Variants in ECE1 observed in about 807,000 individuals in gnomAD.
ECE1 encodes endothelin-converting enzyme 1.
In ECE1, 35 loss-of-function variants were observed where a neutral mutation model predicts 98.6. That is an observed-to-expected ratio of 0.35 (90% CI 0.27 to 0.47). ECE1 has a LOEUF of 0.47. Among genes scored for constraint, ECE1 ranks in the 20% least tolerant of loss-of-function variants. The probability of loss-of-function intolerance (pLI) is 1.00; values close to 1 mark genes in which losing one functional copy is unlikely to be tolerated. For synonymous variants in ECE1, 394 were observed against 407.1 expected (o/e 0.97, Z 0.39); for missense variants, 814 against 1,025.3 (o/e 0.79, Z 2.81).
chr1:21,318,740 TAACCCGACCTGACAGTCACTTC>T (rs1638893574), intron 1 of ECE1, among the ~76,000 whole-genome samples: 1 of 152,010 alleles, frequency 6.6e-6, no homozygotes, highest in African/African-American at 2.4e-5. Context: ...TCCAAGGAGC[TAACCCGACCTGACAGTCACTTC>T]AGCCTGGCCA....
At position 21,319,260 on chromosome 1, in the gene ECE1, G is replaced by A. The variant is rs1386223445; in HGVS notation, c.3+26116C>T. Among the ~76,000 whole-genome samples the A allele has an allele frequency of 2.0e-5, 3 of 152,162 alleles. No individual in the cohort carries two copies. The highest frequency in any genetic ancestry group is 6.5e-5 in the Admixed American group (1 of 15,278). ...CTTGGGAGGCTGAGGTGGGACAATC[G>A]CTTGAACCCGGGAAGTGGAGGTTGC... On this transcript the variant is annotated intron_variant, in intron 1 of 18. Coordinates refer to the ECE1 transcript ENST00000415912. This position sits in a 1 kb window ranked among gnomAD's most constrained non-coding sequence, Gnocchi z 4.4.
At position 21,242,036 on chromosome 1, in the gene ECE1, G is replaced by C. The variant is rs958867801; in HGVS notation, c.1278+2953C>G. ...GCAAGGGGTTCCTTCCTCCCTGCTG[G>C]AAGTCTCAAGTCACAAATGGGTGAT... is the stretch of plus-strand genomic sequence containing the variant. On this transcript the variant is annotated intron_variant, in intron 10 of 18. Coordinates refer to ENST00000374893, the MANE Select transcript of ECE1 (RefSeq NM_001397.3). Among the ~76,000 whole-genome samples the C allele has an allele frequency of 5.3e-5, 8 of 152,132 alleles. No homozygotes were observed. In the South Asian group the frequency reaches 1.7e-3, roughly 32 times the overall value.
chr1:21,285,691 A>G (rs1357029854), intron 2 of ECE1, among the ~76,000 whole-genome samples: 1 of 136,786 alleles, frequency 7.3e-6, no homozygotes, highest in African/African-American at 3.1e-5. Context: ...CCCTGCCTCA[A>G]AAAAAAAAAA....
chr1:21,314,421 G>A (rs1012441856), intron 1 of ECE1, among the ~76,000 whole-genome samples: 3 of 152,190 alleles, frequency 2.0e-5, no homozygotes, highest in East Asian at 1.9e-4. Context: ...TCCCATTCGG[G>A]AGCCAATCTG....
At chr1:21,332,486 G>C (rs1639217879) in intron 1 of ECE1, among the ~76,000 whole-genome samples, 1 of 146,116 alleles carries the variant, frequency 6.8e-6, no homozygotes, top group African/African-American at 2.5e-5. Context: ...TAGAGGCTAA[G>C]AATTAAGTAC....
At chr1:21,277,608 A>G (rs140353183) in intron 3 of ECE1, among the ~76,000 whole-genome samples, 1 of 152,292 alleles carries the variant, frequency 6.6e-6, no homozygotes, top group East Asian at 1.9e-4. Context: ...ATCACACAAT[A>G]TACATACACT....
At position 21,233,482 on chromosome 1, in the gene ECE1, T is replaced by C. The variant is rs888807766; in HGVS notation, c.1670+76A>G. 24 of 1,372,118 alleles carry C rather than the reference T, an allele frequency of 1.7e-5. No individual in the cohort carries two copies. Among genetic ancestry groups the C allele is most frequent in the African/African-American group, 4.3e-5 (3 of 69,364 alleles). The allele number at this position is 1,372,118 out of a possible 1,614,324, so 85.0% of individuals were successfully genotyped here. On this transcript the variant is annotated intron_variant, in intron 14 of 18. Transcript: ENST00000374893. The surrounding 1 kb of genome is among the most constrained non-coding windows in gnomAD (Gnocchi z 4.0). ...GATCGGGTGCACAGTGAGGGTGCAATGAAGGCCAGTTCGTCCCAAGGCTTG... is the reference window on the plus strand; with the variant it reads ...GATCGGGTGCACAGTGAGGGTGCAACGAAGGCCAGTTCGTCCCAAGGCTTG...
At chr1:21,237,905 G>A (rs2098190403) in intron 11 of ECE1, among the ~76,000 whole-genome samples, 1 of 152,246 alleles carries the variant, frequency 6.6e-6, no homozygotes, top group African/African-American at 2.4e-5. Flanking sequence ...CTGCTGGGAG[G>A]ATCACATGAG....
intron 10 of ECE1, among the ~76,000 whole-genome samples, chr1:21,239,558 A>G (rs1212205850): frequency 1.3e-5 from 2 of 152,226 alleles, no homozygotes; most frequent in African/African-American, 2.4e-5. Context: ...GGAATGAACT[A>G]GCTACTGATA....
intron 1 of ECE1, among the ~76,000 whole-genome samples, chr1:21,297,155 C>G (rs1638377736): frequency 6.6e-6 from 1 of 152,234 alleles, no homozygotes; most frequent in Admixed American, 6.5e-5. Context: ...TCCACACACA[C>G]AGCGCTGGGA....
intron 17 of ECE1, among the ~76,000 whole-genome samples, chr1:21,224,459 T>C (rs2098171211): frequency 1.3e-5 from 2 of 152,302 alleles, no homozygotes; most frequent in South Asian, 2.1e-4. Context: ...TCGTGGACTT[T>C]AAGCAACCTA....
intron 1 of ECE1, among the ~76,000 whole-genome samples, chr1:21,324,810 C>T (rs1460152715): frequency 2.0e-5 from 3 of 152,180 alleles, no homozygotes; most frequent in Non-Finnish European, 4.4e-5. Context: ...CTCTCCTTCC[C>T]CAACCGAGTG....
chr1:21,262,549 G>A (rs977670544), intron 4 of ECE1, among the ~76,000 whole-genome samples: 4 of 152,236 alleles, frequency 2.6e-5, no homozygotes, highest in African/African-American at 9.6e-5. Flanking sequence ...GCCAGGGCCA[G>A]CGCTGGGGAA....
Position 21,233,176 on chromosome 1 carries a change from A to G in ECE1, c.1670+382T>C, listed in dbSNP as rs1289508590. 1 of 211,584 alleles carries G rather than the reference A, an allele frequency of 4.7e-6. No homozygotes were observed. Among genetic ancestry groups the G allele is most frequent in the African/African-American group, 2.3e-5 (1 of 43,348 alleles). 13.1% of individuals were successfully genotyped at this position (211,584 alleles called of 1,614,324 possible). Reference sequence around the variant, plus strand: ...GCCTCCTTGGGGTCTGGCGCTCCCCAGAGGTCCTCACATTTGACTGCCATG... The same window carrying G: ...GCCTCCTTGGGGTCTGGCGCTCCCCGGAGGTCCTCACATTTGACTGCCATG... On this transcript the variant is annotated intron_variant, in intron 14 of 18. Coordinates refer to ENST00000374893, the MANE Select transcript of ECE1 (RefSeq NM_001397.3). This position sits in a 1 kb window ranked among gnomAD's most constrained non-coding sequence, Gnocchi z 4.0.
intron 2 of ECE1, among the ~76,000 whole-genome samples, chr1:21,289,589 G>A (rs996248652): frequency 6.6e-6 from 1 of 152,198 alleles, no homozygotes; most frequent in African/African-American, 2.4e-5. Context: ...AAGAGGAAGA[G>A]GGTGGTACTG....
At chr1:21,311,202 T>G (rs1279923614) in intron 1 of ECE1, among the ~76,000 whole-genome samples, 1 of 152,110 alleles carries the variant, frequency 6.6e-6, no homozygotes, top group Non-Finnish European at 1.5e-5. Flanking sequence ...CATGGCTGGG[T>G]CTGGCTGGCT....
chr1:21,285,689 C>CAA (rs11454934), intron 2 of ECE1, among the ~76,000 whole-genome samples: 833 of 71,760 alleles, frequency 0.012, 12 homozygotes, highest in East Asian at 0.024. Flanking sequence ...GACCCTGCCT[C>CAA]AAAAAAAAAA....
chr1:21,222,154 G>A, intron 17 of ECE1: 1 of 417,622 alleles, frequency 2.4e-6, no homozygotes, highest in South Asian at 2.2e-5. Context: ...TATAAACAGA[G>A]CCACATCGTG....
intron 1 of ECE1, among the ~76,000 whole-genome samples, chr1:21,331,427 A>T (rs1411994551): frequency 6.6e-6 from 1 of 151,998 alleles, no homozygotes; most frequent in Non-Finnish European, 1.5e-5. Context: ...ATTAAAAAAT[A>T]AAAACTTAGC....
Sources: gnomAD v4.1 joint callset for allele counts (sites outside exome capture counted in the v4.1 genomes callset) on GRCh38, gnomAD v4.1.1 for gene constraint, Gnocchi (gnomAD v3.1) non-coding constraint, MANE v1.5 for transcripts, NCBI Gene and HGNC (gene_info 2026-07-23, HGNC 2026-07-21) for gene names.